BHMT2: variants seen among roughly 807,000 people sequenced by gnomAD.
BHMT2 encodes betaine--homocysteine S-methyltransferase 2.
BHMT2 carries 28 observed loss-of-function variants against 39.0 expected under a neutral mutation model. That is an observed-to-expected ratio of 0.72 (90% CI 0.53 to 0.98). The LOEUF is 0.98. Among genes scored for constraint, BHMT2 ranks in the 50% least tolerant of loss-of-function variants. The pLI is 0.00. For synonymous variants in BHMT2, 145 were observed against 160.6 expected, an observed-to-expected ratio of 0.90 and a Z score of 0.74; for missense variants, 410 against 455.6, an observed-to-expected ratio of 0.90 and a Z score of 0.91.
intron 1 of BHMT2, among the ~76,000 whole-genome samples, chr5:79,071,812 A>T (rs1213329694): frequency 6.9e-6 from 1 of 145,218 alleles, no homozygotes; most frequent in Non-Finnish European, 1.5e-5. Context: ...TGTACCCCTG[A>T]ACTTAAAAGT....
intron 1 of BHMT2, among the ~76,000 whole-genome samples, chr5:79,073,636 A>G (rs1026180114): frequency 2.6e-5 from 4 of 152,258 alleles, no homozygotes; most frequent in African/African-American, 4.8e-5. Flanking sequence ...ATCAGTAAAT[A>G]TTAACATTTC....
At position 79,069,828 on chromosome 5, in the gene BHMT2, C is replaced by T; in HGVS notation, c.33+13C>T. ...GGGGGCCAAGAAGGTGAGTTTCGTC[C>T]CCTCGATCCTCGCGGAGCTCCTGGC... On this transcript the variant is annotated intron_variant, in intron 1 of 7. Transcript: ENST00000255192. The T allele has an allele frequency of 7.0e-7, 1 of 1,421,736 alleles. No homozygotes were observed. Among genetic ancestry groups the T allele is most frequent in the South Asian group, 1.5e-5 (1 of 64,902 alleles). 88.1% of individuals were successfully genotyped at this position (1,421,736 alleles called of 1,614,324 possible).
intron 1 of BHMT2, among the ~76,000 whole-genome samples, chr5:79,074,283 C>A (rs1247253080): frequency 1.3e-5 from 2 of 152,192 alleles, no homozygotes; most frequent in African/African-American, 4.8e-5. Flanking sequence ...CTAGAATAAG[C>A]CCCCTCTCTA....
At chr5:79,071,845 A>AAAAAAAAAAAT (rs1554039290) in intron 1 of BHMT2, among the ~76,000 whole-genome samples, 2 of 144,478 alleles carry the variant, frequency 1.4e-5, no homozygotes, top group African/African-American at 2.6e-5. Flanking sequence ...AAAAAAAAAA[A>AAAAAAAAAAAT]CTAAAGAAGG....
At chr5:79,077,398 A>G in intron 1 of BHMT2, 82 bp from the exon 2 acceptor site, 7 of 1,523,084 alleles carry the variant, frequency 4.6e-6, no homozygotes, top group Non-Finnish European at 6.2e-6. Flanking sequence ...ACGTAATACC[A>G]CTTCACCTAA....
chr5:79,082,864 A>G lies in BHMT2; in HGVS notation c.506A>G (p.Asp169Gly), dbSNP rs773684741. Residue 169 changes from aspartate (D) to glycine (G), a missense_variant, in exon 5 of 8, where the codon GAT becomes GGT. Transcript: ENST00000255192. ...VWAVEVLKES[D>G]RPVAVTMCIG... ...GCTGTGGAAGTCTTAAAAGAATCAGATAGACCCGTGGCAGTTACCATGTGC... is the reference window on the plus strand; with the variant it reads ...GCTGTGGAAGTCTTAAAAGAATCAGGTAGACCCGTGGCAGTTACCATGTGC... 27 of 1,614,052 alleles carry G rather than the reference A, an allele frequency of 1.7e-5. No homozygotes were observed. The highest frequency in any genetic ancestry group is 3.4e-6 in the Non-Finnish European group (4 of 1,180,042).
chr5:79,087,010 GTGTGTATATATATATA>G (rs1235737937), intron 7 of BHMT2, among the ~76,000 whole-genome samples: 9 of 113,444 alleles, frequency 7.9e-5, no homozygotes, highest in Admixed American at 4.4e-4. Flanking sequence ...GTGTGTGTGT[GTGTGTATATATATATA>G]TATATATATA....
chr5:79,081,263 C>T (rs1164353923), intron 4 of BHMT2, among the ~76,000 whole-genome samples: 1 of 152,158 alleles, frequency 6.6e-6, no homozygotes, highest in African/African-American at 2.4e-5. Flanking sequence ...GAGAGCAAGG[C>T]CTGGAAGGTG....
intron 1 of BHMT2, among the ~76,000 whole-genome samples, chr5:79,076,318 G>T (rs1755671157): frequency 6.6e-6 from 1 of 152,090 alleles, no homozygotes. Flanking sequence ...TCAACGTCCA[G>T]CTGCTTGTGT....
chr5:79,088,563 C>G lies in BHMT2; in HGVS notation c.1081C>G (p.Pro361Ala). 1 of 1,613,824 alleles carries G rather than the reference C, an allele frequency of 6.2e-7. No individual in the cohort carries two copies. The highest frequency in any genetic ancestry group is 8.5e-7 in the Non-Finnish European group (1 of 1,179,872). Residue 361 changes from proline (P) to alanine (A), a missense_variant, in exon 8 of 8, where the codon CCA (proline) becomes GCA (alanine). Transcript: ENST00000255192. ...GRPFCPSLSK[P>A]DF ...ACCTTTCTGTCCTTCGCTGTCAAAGCCAGACTTCTAAGGAGTAGTGAAAGA... is the reference window on the plus strand; with the variant it reads ...ACCTTTCTGTCCTTCGCTGTCAAAGGCAGACTTCTAAGGAGTAGTGAAAGA...
chr5:79,074,151 T>C (rs1755629720), intron 1 of BHMT2, among the ~76,000 whole-genome samples: 2 of 152,304 alleles, frequency 1.3e-5, no homozygotes, highest in East Asian at 1.9e-4. Flanking sequence ...CATGTTTTTC[T>C]AGGGGTCATT....
At chr5:79,071,835 A>G (rs868854433) in intron 1 of BHMT2, among the ~76,000 whole-genome samples, 1 of 151,744 alleles carries the variant, frequency 6.6e-6, no homozygotes, top group African/African-American at 2.4e-5. Context: ...AAAAAAAAAA[A>G]AAAAAAAAAA....
intron 7 of BHMT2, among the ~76,000 whole-genome samples, chr5:79,087,634 A>G (rs1474468498): frequency 2.6e-5 from 4 of 152,196 alleles, no homozygotes; most frequent in Admixed American, 6.5e-5. Context: ...GTAAAGTGGA[A>G]AAAACAATAA....
rs573542119 is a variant in BHMT2, at chr5:79,080,066, A to T, written c.258+606A>T. On this transcript the variant is annotated intron_variant, in intron 3 of 7. Transcript: ENST00000255192. ...TGCTCTTTTCACCTTCTCATTTCAC[A>T]CTTTTCTCTTCTGGAGACAGGGAGG... Among the ~76,000 whole-genome samples, 27 of 152,228 alleles carry T rather than the reference A, an allele frequency of 1.8e-4. No homozygotes were observed. In the East Asian group the frequency reaches 4.1e-3, roughly 23 times the overall value.
intron 1 of BHMT2, 95 bp downstream of exon 1, chr5:79,069,910 G>C: frequency 1.6e-6 from 2 of 1,246,954 alleles, no homozygotes; most frequent in South Asian, 5.5e-5. Context: ...CCAAGCCCTG[G>C]GGCCTCGGCA....
At chr5:79,078,463 A>T (rs1464672552) in intron 2 of BHMT2, among the ~76,000 whole-genome samples, 1 of 152,198 alleles carries the variant, frequency 6.6e-6, no homozygotes, top group Admixed American at 6.5e-5. Context: ...ATTCACTCTG[A>T]TTTTATGTAT....
At chr5:79,069,864 C>T (rs1428604169) in intron 1 of BHMT2, 49 bp downstream of exon 1, 1 of 1,353,472 alleles carries the variant, frequency 7.4e-7, no homozygotes, top group Non-Finnish European at 9.5e-7. Context: ...CGCTGGGCTG[C>T]GAGCGACTCC....
intron 6 of BHMT2, 85 bp from the exon 7 acceptor site, chr5:79,083,543 T>C: frequency 3.3e-6 from 5 of 1,529,392 alleles, no homozygotes; most frequent in Non-Finnish European, 4.4e-6. Flanking sequence ...TTATAGTTTT[T>C]TTAATTGGAA....
chr5:79,077,642 C>T (rs1251457428), intron 2 of BHMT2, 30 bp downstream of exon 2: 1 of 1,586,780 alleles, frequency 6.3e-7, no homozygotes, highest in South Asian at 1.2e-5. Flanking sequence ...AGAGTGTCTA[C>T]CTGAGTGGTA....
Sources: gnomAD v4.1 joint callset for allele counts (sites outside exome capture counted in the v4.1 genomes callset) on GRCh38, gnomAD v4.1.1 for gene constraint, MANE v1.5 for transcripts, NCBI Gene and HGNC (gene_info 2026-07-23, HGNC 2026-07-21) for gene names.